The following WNK2 variants were observed in gnomAD, a reference collection of about 807,000 sequenced individuals.
WNK2 encodes the protein WNK lysine deficient protein kinase 2.
WNK2 carries 67 observed loss-of-function variants against 192.1 expected under a neutral mutation model. That is an observed-to-expected ratio of 0.35 (90% confidence interval 0.29 to 0.43). WNK2 has a LOEUF of 0.43. WNK2 is among the 20% of genes least tolerant of loss of function. WNK2 has a pLI of 1.00. For synonymous variants in WNK2, 1,439 were observed against 1,393.9 expected (o/e 1.03, Z -0.72); for missense variants, 2,698 against 3,089.7 (o/e 0.87, Z 3.01).
chr9:93,314,890 C>G (rs554244956), intron 28 of WNK2, among the ~76,000 whole-genome samples: 1 of 151,614 alleles, frequency 6.6e-6, no homozygotes, highest in African/African-American at 2.4e-5. Context: ...GAGGCTTTCC[C>G]GGGGGGGGTT....
chr9:93,300,108 C>T lies in WNK2; in HGVS notation c.6173C>T (p.Pro2058Leu). 1 of 1,613,534 alleles carries T rather than the reference C, an allele frequency of 6.2e-7. No homozygotes were observed. Among genetic ancestry groups the T allele is most frequent in the Non-Finnish European group, 8.5e-7 (1 of 1,179,776 alleles). Residue 2058 changes from proline to leucine, a missense_variant, in exon 26 of 30, where the codon CCT becomes CTT. Pro to Leu is a moderately conservative substitution (Grantham distance 98). Around this residue, in one of 7 missense-constraint regions of WNK2, gnomAD observed 29 missense variants for 55.6 expected, o/e 0.52. Transcript: ENST00000427277. Reference sequence around the variant, plus strand: ...GTGACCTATAAGTCTAGTAGCAAACCTCGTGCTCGATTCCTCAGTGGACCC... The same window carrying T: ...GTGACCTATAAGTCTAGTAGCAAACTTCGTGCTCGATTCCTCAGTGGACCC... ...ERVTYKSSSKPRARFLSGPVS... is the reference protein window; with the variant it reads ...ERVTYKSSSKLRARFLSGPVS...
intron 23 of WNK2, among the ~76,000 whole-genome samples, chr9:93,296,984 T>C (rs1319137074): frequency 1.0e-5 from 1 of 95,438 alleles, no homozygotes; most frequent in Non-Finnish European, 2.2e-5. Context: ...CTCCTCCCCT[T>C]GGCTTCCTCC....
At chr9:93,188,703 C>T (rs1829788086) in intron 2 of WNK2, among the ~76,000 whole-genome samples, 1 of 152,180 alleles carries the variant, frequency 6.6e-6, no homozygotes, top group Admixed American at 6.5e-5. Context: ...AGACAGGGTG[C>T]GGGGTAGCCT....
chr9:93,297,933 T>C lies in WNK2; in HGVS notation c.5789T>C (p.Leu1930Pro), dbSNP rs1246400407. The change falls in exon 24 of 30, where the codon CTG becomes CCG. Residue 1930 changes from leucine (L) to proline (P), a missense_variant. This residue lies in a region of WNK2 where 1,098 missense variants were observed against 1,101.0 expected (regional missense o/e 1.00). Coordinates refer to ENST00000427277, the MANE Select transcript of WNK2 (RefSeq NM_006648.4). The part of the protein sequence containing the change: ...EALYRRLGKP[L>P]PPNVGFFHTA... ...CTGTACCGCCGCCTGGGCAAGCCAC[T>C]GCCCCCCAACGTGGGCTTCTTCCAC... is the stretch of plus-strand genomic sequence containing the variant. 1.3e-6 allele frequency: 2 copies of C among 1,589,838 alleles called. No homozygotes were observed. Among genetic ancestry groups the C allele is most frequent in the Admixed American group, 1.8e-5 (1 of 56,776 alleles).
rs1347669326 is a variant in WNK2 at position 93,320,313 on chromosome 9, G to A, written c.6629-54G>A. 17 of 1,366,516 alleles carry A rather than the reference G, an allele frequency of 1.2e-5. No homozygotes were observed. In the East Asian group the frequency reaches 3.2e-4, roughly 26 times the overall value. The allele number at this position is 1,366,516 out of a possible 1,614,324, so 84.6% of individuals were successfully genotyped here. On this transcript the variant is annotated intron_variant, in intron 29 of 29. Transcript: ENST00000427277. ...AGGGTGTCAGGGCCTGGCCCTTGGCGAGTGGCCAGCACTGCGGTGGGCCCA... is the reference window on the plus strand; with the variant it reads ...AGGGTGTCAGGGCCTGGCCCTTGGCAAGTGGCCAGCACTGCGGTGGGCCCA...
chr9:93,291,815 A>C (rs1199483997), intron 21 of WNK2, among the ~76,000 whole-genome samples: 1 of 152,158 alleles, frequency 6.6e-6, no homozygotes, highest in African/African-American at 2.4e-5. Flanking sequence ...TCTTTACGGC[A>C]ACCCTGGGAA....
intron 2 of WNK2, among the ~76,000 whole-genome samples, chr9:93,195,571 C>T (rs564471910): frequency 4.0e-5 from 6 of 151,598 alleles, no homozygotes; most frequent in Non-Finnish European, 5.9e-5. Flanking sequence ...TGGTGGCGGG[C>T]GCCTATAATC....
chr9:93,272,310 A>G (rs1416067160), intron 19 of WNK2, among the ~76,000 whole-genome samples: 1 of 152,242 alleles, frequency 6.6e-6, no homozygotes, highest in Admixed American at 6.5e-5. Flanking sequence ...CAGTGTGGCA[A>G]ATGGAAGGTA....
Position 93,299,197 on chromosome 9 carries a change from G to A in WNK2, c.6051G>A (p.Arg2017=). 1.2e-6 allele frequency: 2 copies of A among 1,601,528 alleles called. No individual in the cohort carries two copies. The highest frequency in any genetic ancestry group is 2.2e-5 in the South Asian group (2 of 90,626). The change falls in exon 25 of 30, where the codon CGG becomes CGA. Residue 2017 remains arginine, a synonymous_variant. Coordinates refer to ENST00000427277, the MANE Select transcript of WNK2 (RefSeq NM_006648.4). ...AGACCCAGCAGCCCTGCTCCGTCCG[G>A]GCCTCCCTGTCTTCGGACATCTGCT... is the stretch of plus-strand genomic sequence containing the variant. ...AVQTQQPCSV[R]ASLSSDICSG... is the part of the protein sequence containing the mutation.
intron 29 of WNK2, chr9:93,317,839 G>C: frequency 6.6e-7 from 1 of 1,512,918 alleles, no homozygotes; most frequent in South Asian, 1.3e-5. Flanking sequence ...CCCCGGCTGC[G>C]GATCACGTAG....
chr9:93,313,903 GGATT>G (rs1262448883), intron 28 of WNK2, among the ~76,000 whole-genome samples: 7 of 152,128 alleles, frequency 4.6e-5, no homozygotes, highest in African/African-American at 1.7e-4. Flanking sequence ...TGAGGCAGGT[GGATT>G]GATTGAGTCC....
intron 12 of WNK2, among the ~76,000 whole-genome samples, chr9:93,261,434 A>C (rs941309226): frequency 6.6e-6 from 1 of 152,236 alleles, no homozygotes; most frequent in Middle Eastern, 3.4e-3. Flanking sequence ...CTGAGGCCCT[A>C]TGCACACTCT....
At chr9:93,251,376 C>A (rs1842576585) in intron 8 of WNK2, among the ~76,000 whole-genome samples, 1 of 152,000 alleles carries the variant, frequency 6.6e-6, no homozygotes, top group Non-Finnish European at 1.5e-5. Context: ...CTCAGCCTCC[C>A]AAAATGCTGG....
chr9:93,184,997 C>A lies in WNK2; in HGVS notation c.68C>A (p.Pro23His). The change falls in exon 2 of 30, where the codon CCC becomes CAC. Residue 23 changes from proline to histidine, a missense_variant. Pro to His is a moderately conservative substitution (Grantham distance 77). Transcript: ENST00000427277. Reference sequence around the variant, plus strand: ...ATGGAGCCCGGGCGCGGCGCGGGGCCCGCGGGCATGGCGGAGCCTCGGGCG... The same window carrying A: ...ATGGAGCCCGGGCGCGGCGCGGGGCACGCGGGCATGGCGGAGCCTCGGGCG... ...TLMEPGRGAG[P>H]AGMAEPRAKA... 1 of 1,244,116 alleles carries A rather than the reference C, an allele frequency of 8.0e-7. No homozygotes were observed. Among genetic ancestry groups the A allele is most frequent in the Non-Finnish European group, 1.0e-6 (1 of 999,214 alleles). The allele number at this position is 1,244,116 out of a possible 1,614,324, so 77.1% of individuals were successfully genotyped here. A position where few individuals can be genotyped will look rare whatever the true frequency, so the allele number is the denominator to read the frequency against.
chr9:93,221,472 G>T (rs1037651225), intron 2 of WNK2, among the ~76,000 whole-genome samples: 2 of 152,162 alleles, frequency 1.3e-5, no homozygotes, highest in African/African-American at 2.4e-5. Context: ...TTCAACATCC[G>T]CACACCAGAA....
In WNK2 at chr9:93,284,215, A is replaced by G. The variant is rs185906593; in HGVS notation, c.4034-4573A>G. ...AAGCTTGTTTTATCAAACTAGCGTA[A>G]CTTTGACACAAAAATCTGACTGAGA... On this transcript the variant is annotated intron_variant, in intron 19 of 29. Coordinates refer to ENST00000427277, the MANE Select transcript of WNK2 (RefSeq NM_006648.4). 3.0e-3 allele frequency among the ~76,000 whole-genome samples: 450 copies of G among 152,358 alleles called. 3 individuals are homozygous for G. The highest frequency in any genetic ancestry group is 0.011 in the African/African-American group (439 of 41,580).
chr9:93,220,892 G>A (rs1386452839), intron 2 of WNK2, among the ~76,000 whole-genome samples: 11 of 152,160 alleles, frequency 7.2e-5, no homozygotes, highest in South Asian at 2.1e-4. Context: ...ACCCAGCCTG[G>A]GTCCCCCTTT....
At chr9:93,213,915 C>T (rs1344665150) in intron 2 of WNK2, among the ~76,000 whole-genome samples, 1 of 152,208 alleles carries the variant, frequency 6.6e-6, no homozygotes, top group Non-Finnish European at 1.5e-5. Flanking sequence ...CATCTTAAGA[C>T]ATTTGAACTC....
chr9:93,210,357 C>T (rs992478448), intron 2 of WNK2, among the ~76,000 whole-genome samples: 44 of 152,172 alleles, frequency 2.9e-4, no homozygotes, highest in African/African-American at 1.1e-3. Context: ...TGCTGGATGA[C>T]TAGGAGCGCT....
Sources: gnomAD v4.1 joint callset for allele counts (sites outside exome capture counted in the v4.1 genomes callset) on GRCh38, gnomAD v4.1.1 for gene constraint, gnomAD v4.1.1 regional missense constraint, MANE v1.5 for transcripts, NCBI Gene and HGNC (gene_info 2026-07-23, HGNC 2026-07-21) for gene names.